The following STK36 variants were observed in gnomAD, a reference collection of about 807,000 sequenced individuals.
STK36 encodes serine/threonine-protein kinase 36.
STK36 carries 116 observed loss-of-function variants against 142.2 expected under a neutral mutation model. The observed-to-expected ratio is 0.82, with a 90% CI of 0.70 to 0.95. The LOEUF (loss-of-function observed/expected upper bound fraction) is 0.95. Among genes scored for constraint, STK36 ranks in the 40% least tolerant of loss-of-function variants. The pLI, the probability that STK36 is intolerant of heterozygous loss-of-function variation, is 0.00. For synonymous variants in STK36, 619 were observed against 641.7 expected (o/e 0.96, Z 0.53); for missense variants, 1,422 against 1,617.2 (o/e 0.88, Z 2.07).
rs780063347 is a variant in STK36, at chr2:218,694,569, G to T, written c.2445G>T (p.Val815=). Residue 815 remains valine (V), a synonymous_variant, in exon 21 of 27, where the codon GTG becomes GTT. Transcript: ENST00000295709. The surrounding 1 kb of genome is among the most constrained non-coding windows in gnomAD (Gnocchi z 4.4). ...CLLGQLGQQG[V]TFDLQPMEWM... is the part of the protein sequence containing the mutation. Reference sequence around the variant, plus strand: ...TGGGACAGCTTGGTCAGCAAGGGGTGACCTTTGACCTCCAGCCCATGGAAT... The same window carrying T: ...TGGGACAGCTTGGTCAGCAAGGGGTTACCTTTGACCTCCAGCCCATGGAAT... 2.0e-5 allele frequency: 33 copies of T among 1,614,212 alleles called. No individual in the cohort carries two copies. In the African/African-American group the frequency reaches 3.5e-4, roughly 17 times the overall value.
At chr2:218,698,050 G>A in intron 25 of STK36, 49 bp downstream of exon 25, 1 of 1,610,548 alleles carries the variant, frequency 6.2e-7, no homozygotes. Context: ...AGCCAACCTT[G>A]TATCCTCTAA....
intron 24 of STK36, 116 bp from the exon 25 acceptor site, chr2:218,697,738 C>T: frequency 6.3e-7 from 1 of 1,589,000 alleles, no homozygotes; most frequent in Non-Finnish European, 8.6e-7. Context: ...GGCTGGAAAC[C>T]TAAGTAGTGG....
chr2:218,695,222 C>CT (rs531122836), intron 21 of STK36, among the ~76,000 whole-genome samples: 3,795 of 88,098 alleles, frequency 0.043, 103 homozygotes, highest in Non-Finnish European at 0.059. Context: ...ATTGTCATCC[C>CT]TTTTTTTTTT....
At chr2:218,689,670 C>T (rs1445616339) in intron 12 of STK36, among the ~76,000 whole-genome samples, 189 bp from the exon 13 acceptor site, 1 of 152,222 alleles carries the variant, frequency 6.6e-6, no homozygotes, top group African/African-American at 2.4e-5. Flanking sequence ...CACATTTAAT[C>T]CAGGCTGTTC....
In STK36 at chr2:218,672,176, T is replaced by A; in HGVS notation, c.-129T>A. On this transcript the variant is annotated 5_prime_UTR_variant, in exon 1 of 27. The change creates a new upstream start codon in the 5' untranslated region. Coordinates refer to ENST00000295709, the MANE Select transcript of STK36 (RefSeq NM_015690.5). ...GTCCATTCCACACCTCTGAGCGCCT[T>A]TGTCCTCTGAACTTCTCACCAGTTC... 1 of 612,288 alleles carries A rather than the reference T, an allele frequency of 1.6e-6. No individual in the cohort carries two copies. The highest frequency in any genetic ancestry group is 2.0e-5 in the South Asian group (1 of 50,564). The allele number at this position is 612,288 out of a possible 1,614,324, so 37.9% of individuals were successfully genotyped here. A position where few individuals can be genotyped will look rare whatever the true frequency, so the allele number is the denominator to read the frequency against.
At chr2:218,695,527 CTTTTTTTTTTTTT>C (rs964956273) in intron 21 of STK36, among the ~76,000 whole-genome samples, 2 of 73,040 alleles carry the variant, frequency 2.7e-5, no homozygotes, top group South Asian at 4.1e-4. Context: ...CATGTCCAGT[CTTTTTTTTTTTTT>C]TTTTTTTTTT....
chr2:218,682,991 C>A (rs1260419150), intron 10 of STK36, among the ~76,000 whole-genome samples: 1 of 152,100 alleles, frequency 6.6e-6, no homozygotes, highest in East Asian at 1.9e-4. Flanking sequence ...AGGTACACGT[C>A]AGTTATTTTG....
At chr2:218,675,083 T>C (rs536718867) in intron 4 of STK36, among the ~76,000 whole-genome samples, 80 of 152,184 alleles carry the variant, frequency 5.3e-4, no homozygotes, top group Non-Finnish European at 9.1e-4. Flanking sequence ...GATGGTGTTA[T>C]TATATAGATT....
At position 218,688,817 on chromosome 2, in the gene STK36, C is replaced by T. The variant is rs1187210692; in HGVS notation, c.1501C>T (p.Leu501Phe). 2 of 1,613,722 alleles carry T rather than the reference C, an allele frequency of 1.2e-6. No individual in the cohort carries two copies. Among genetic ancestry groups the T allele is most frequent in the South Asian group, 1.1e-5 (1 of 91,056 alleles). The change falls in exon 12 of 27, where the codon CTT becomes TTT. Residue 501 changes from leucine to phenylalanine, a missense_variant. Leu to Phe is a conservative substitution (Grantham distance 22). Transcript: ENST00000295709. The part of the protein sequence containing the change: ...ALYSFCREAG[L>F]PGLLLSLLRH... The stretch of plus-strand genomic sequence containing the variant: ...GTATTCCTTCTGCCGGGAGGCAGGG[C>T]TTCCTGGGCTGCTGCTGAGTCTACT...
Position 218,698,701 on chromosome 2 carries a change from AAC to A in STK36, c.3161_3162del (p.Thr1054SerfsTer6). ...TCCCACCTCTCTCAACCAGTTTGTG[AAC>A]ACAGTGTCTGCCTCCCCTAGAACCA... ...MDPTSLNQFV[N>X]TVSASPRTIV... On this transcript the variant is annotated frameshift_variant, in exon 26 of 27. Coordinates refer to ENST00000295709, the MANE Select transcript of STK36 (RefSeq NM_015690.5). LOFTEE classifies it high-confidence loss of function. The A allele has an allele frequency of 6.2e-7, 1 of 1,614,156 alleles. No individual in the cohort carries two copies. Among genetic ancestry groups the A allele is most frequent in the East Asian group, 2.2e-5 (1 of 44,884 alleles).
At chr2:218,682,496 A>G (rs1251204705) in intron 10 of STK36, among the ~76,000 whole-genome samples, 1 of 152,194 alleles carries the variant, frequency 6.6e-6, no homozygotes, top group East Asian at 1.9e-4. Context: ...ACTAATCTGT[A>G]ATCCTTATTC....
At position 218,672,847 on chromosome 2, in the gene STK36, G is replaced by A. The variant is rs1940049586; in HGVS notation, c.18G>A (p.Val6=). The A allele has an allele frequency of 6.2e-7, 1 of 1,614,016 alleles. No individual in the cohort carries two copies. Among genetic ancestry groups the A allele is most frequent in the African/African-American group, 1.3e-5 (1 of 74,922 alleles). ...CCTCTGTCATGGAAAAGTACCACGTGTTGGAGATGATTGGAGAAGGCTCTT... is the reference window on the plus strand; with the variant it reads ...CCTCTGTCATGGAAAAGTACCACGTATTGGAGATGATTGGAGAAGGCTCTT... MEKYH[V]LEMIGEGSFG... Residue 6 remains valine (V), a synonymous_variant, in exon 2 of 27, where the codon GTG becomes GTA. Transcript: ENST00000295709.
intron 24 of STK36, 61 bp downstream of exon 24, chr2:218,697,671 A>G: frequency 1.2e-6 from 2 of 1,606,672 alleles, no homozygotes; most frequent in African/African-American, 1.3e-5. Flanking sequence ...AGAAGAAGGC[A>G]GGAAAGAAGT....
chr2:218,698,670 C>T lies in STK36; in HGVS notation c.3126C>T (p.Leu1042=), dbSNP rs941935816. 6.2e-7 allele frequency: 1 copy of T among 1,614,226 alleles called. No homozygotes were observed. Among genetic ancestry groups the T allele is most frequent in the Non-Finnish European group, 8.5e-7 (1 of 1,180,042 alleles). The part of the protein sequence containing the change: ...LPISLLTRLA[L]MDPTSLNQFV... ...TCAGCCTTCTCACACGCCTGGCCCT[C>T]ATGGATCCCACCTCTCTCAACCAGT... Residue 1042 remains leucine, a synonymous_variant, in exon 26 of 27, where the codon CTC becomes CTT. Coordinates refer to ENST00000295709, the MANE Select transcript of STK36 (RefSeq NM_015690.5).
In STK36 at chr2:218,702,107, A is replaced by AAT; in HGVS notation, c.*99_*100insTA. The AAT allele has an allele frequency of 2.1e-6, 3 of 1,448,396 alleles. No individual in the cohort carries two copies. The highest frequency in any genetic ancestry group is 1.9e-6 in the Non-Finnish European group (2 of 1,080,062). The allele number at this position is 1,448,396 out of a possible 1,614,324, so 89.7% of individuals were successfully genotyped here. On this transcript the variant is annotated 3_prime_UTR_variant, in exon 27 of 27. Transcript: ENST00000295709. ...CTCAACTGAGAGCTAAAGAGACTAG[A>AAT]AAAGAGATAAGCTGCCAACTCAACT...
Position 218,692,644 on chromosome 2 carries a change from C to T in STK36, c.1977C>T (p.Ser659=), listed in dbSNP as rs1201671732. ...EQSEDIPGAI[S]SALAAICTAP... ...GTGAGGATATACCTGGAGCCATTTC[C>T]TCTGCCCTGGCAGCCATATGCACTG... Residue 659 remains serine (S), a synonymous_variant, in exon 16 of 27, where the codon TCC becomes TCT. Transcript: ENST00000295709. 2 of 1,613,830 alleles carry T rather than the reference C, an allele frequency of 1.2e-6. No individual in the cohort carries two copies. The highest frequency in any genetic ancestry group is 1.1e-5 in the South Asian group (1 of 91,060).
At chr2:218,692,468 A>T in intron 15 of STK36, 115 bp from the exon 16 acceptor site, 1 of 1,504,854 alleles carries the variant, frequency 6.6e-7, no homozygotes, top group Non-Finnish European at 8.9e-7. Context: ...CTCATCCTGC[A>T]TTCTTCCCAC....
chr2:218,672,765 C>T lies in STK36; in HGVS notation c.-65C>T, dbSNP rs919551797. The T allele has an allele frequency of 7.0e-5, 107 of 1,536,556 alleles. 3 individuals are homozygous for T. The South Asian group carries it at 1.1e-3, about 16-fold the overall frequency. ...GGCGTCCCAGATGTTGTGGAACTGT[C>T]CCTGGATCTATAGCTCTTCACCGTC... is the stretch of plus-strand genomic sequence containing the variant. On this transcript the variant is annotated 5_prime_UTR_variant, in exon 2 of 27. Coordinates refer to ENST00000295709, the MANE Select transcript of STK36 (RefSeq NM_015690.5).
At chr2:218,673,542 C>G (rs986725559) in intron 2 of STK36, 83 bp from the exon 3 acceptor site, 4 of 1,511,080 alleles carry the variant, frequency 2.6e-6, no homozygotes, top group Non-Finnish European at 3.5e-6. Context: ...AATCTGACTT[C>G]TGGAGCTCTG....
Sources: allele counts gnomAD v4.1 joint callset (sites outside exome capture counted in the v4.1 genomes callset), GRCh38; gene constraint gnomAD v4.1.1; non-coding constraint Gnocchi (gnomAD v3.1); transcripts MANE v1.5; gene names NCBI Gene and HGNC (gene_info 2026-07-23, HGNC 2026-07-21).